ADGRG6: variants seen among roughly 807,000 people sequenced by gnomAD.
The protein encoded by ADGRG6 is G-protein coupled receptor 126.
ADGRG6 carries 84 observed loss-of-function variants against 142.4 expected under a neutral mutation model. The ratio of observed to expected loss-of-function variants is 0.59; its 90% CI spans 0.49 to 0.71. The LOEUF (loss-of-function observed/expected upper bound fraction) is 0.71. Among genes scored for constraint, ADGRG6 ranks in the 30% least tolerant of loss-of-function variants. ADGRG6 has a pLI of 0.00. For synonymous variants in ADGRG6, 521 were observed against 520.5 expected (o/e 1.00, Z -0.01); for missense variants, 1,367 against 1,466.6 (o/e 0.93, Z 1.11).
intron 2 of ADGRG6, among the ~76,000 whole-genome samples, chr6:142,317,810 TTATA>T (rs1426766208): frequency 1.1e-5 from 1 of 89,676 alleles, no homozygotes; most frequent in Non-Finnish European, 2.0e-5. Flanking sequence ...TTATATATAT[TTATA>T]TATATTAATT....
intron 15 of ADGRG6, among the ~76,000 whole-genome samples, 180 bp downstream of exon 15, chr6:142,406,008 TTAAC>T (rs1439045187): frequency 6.6e-6 from 1 of 152,054 alleles, no homozygotes; most frequent in Non-Finnish European, 1.5e-5. Context: ...AATATGCTAA[TTAAC>T]AAGTTGTATG....
At chr6:142,310,728 A>G (rs1330725578) in intron 2 of ADGRG6, among the ~76,000 whole-genome samples, 1 of 151,828 alleles carries the variant, frequency 6.6e-6, no homozygotes, top group African/African-American at 2.4e-5. Flanking sequence ...AACAGAACAG[A>G]TCTTTCAGTG....
chr6:142,316,064 A>T (rs183629130), intron 2 of ADGRG6, among the ~76,000 whole-genome samples: 1 of 152,202 alleles, frequency 6.6e-6, no homozygotes, highest in East Asian at 1.9e-4. Flanking sequence ...CGTTTGAATG[A>T]GATTTTTCTC....
chr6:142,384,660 G>A (rs1402559330), intron 6 of ADGRG6, among the ~76,000 whole-genome samples: 1 of 152,008 alleles, frequency 6.6e-6, no homozygotes, highest in Non-Finnish European at 1.5e-5. Context: ...CAAATATGAA[G>A]CATTAGAAAC....
intron 2 of ADGRG6, among the ~76,000 whole-genome samples, chr6:142,341,938 T>C (rs1779678850): frequency 6.6e-6 from 1 of 152,004 alleles, no homozygotes; most frequent in Admixed American, 6.6e-5. Flanking sequence ...CCAAACTGTT[T>C]TATTTTCTGA....
chr6:142,336,470 G>T (rs563440943), intron 2 of ADGRG6, among the ~76,000 whole-genome samples: 1 of 152,256 alleles, frequency 6.6e-6, no homozygotes, highest in East Asian at 1.9e-4. Context: ...GCTCTCTGGG[G>T]TTGTGTCTGG....
At position 142,414,966 on chromosome 6, in the gene ADGRG6, T is replaced by C. The variant is rs767129681; in HGVS notation, c.2542-3T>C. 2 of 1,609,266 alleles carry C rather than the reference T, an allele frequency of 1.2e-6. No individual in the cohort carries two copies. Among genetic ancestry groups the C allele is most frequent in the Non-Finnish European group, 1.7e-6 (2 of 1,177,710 alleles). ...TTACAGCTGCTCGCCATGTTTTATGTAGGACCTTCCAAGAAGTGCCTCACA... is the reference window on the plus strand; with the variant it reads ...TTACAGCTGCTCGCCATGTTTTATGCAGGACCTTCCAAGAAGTGCCTCACA... On this transcript the variant is annotated splice_polypyrimidine_tract_variant and splice_region_variant and intron_variant, in intron 18 of 24. Coordinates refer to ENST00000367609, the MANE Select transcript of ADGRG6 (RefSeq NM_198569.3).
chr6:142,400,147 C>G (rs994999756), intron 10 of ADGRG6, among the ~76,000 whole-genome samples: 1 of 152,032 alleles, frequency 6.6e-6, no homozygotes, highest in African/African-American at 2.4e-5. Flanking sequence ...GATTGTTTTC[C>G]TTCTCTGTAG....
intron 2 of ADGRG6, among the ~76,000 whole-genome samples, chr6:142,333,233 G>A (rs1779148436): frequency 6.6e-6 from 1 of 152,032 alleles, no homozygotes; most frequent in African/African-American, 2.4e-5. Flanking sequence ...ACTCCTCTAG[G>A]GGACAGAATG....
chr6:142,383,641 T>C, intron 5 of ADGRG6, 119 bp from the exon 6 acceptor site: 2 of 622,794 alleles, frequency 3.2e-6, no homozygotes, highest in Non-Finnish European at 5.7e-6. Flanking sequence ...GTCTTTTGTA[T>C]TTCAAAGTGG....
intron 22 of ADGRG6, among the ~76,000 whole-genome samples, chr6:142,426,458 C>T (rs1368016654): frequency 6.6e-6 from 1 of 152,194 alleles, no homozygotes; most frequent in African/African-American, 2.4e-5. Flanking sequence ...TTCCCATGGT[C>T]TTGGGCAGCT....
At chr6:142,331,847 G>T (rs866161032) in intron 2 of ADGRG6, among the ~76,000 whole-genome samples, 1 of 151,968 alleles carries the variant, frequency 6.6e-6, no homozygotes, top group Non-Finnish European at 1.5e-5. Flanking sequence ...GTGGAATTTG[G>T]CATGTTTTCA....
intron 2 of ADGRG6, among the ~76,000 whole-genome samples, chr6:142,318,180 T>TTATATATTA (rs1778283647): frequency 3.8e-4 from 2 of 5,278 alleles, no homozygotes; most frequent in African/African-American, 1.4e-3. Flanking sequence ...TATTTATATA[T>TTATATATTA]TATATATTAT....
At chr6:142,431,173 A>T (rs1176890717) in intron 22 of ADGRG6, among the ~76,000 whole-genome samples, 1 of 151,986 alleles carries the variant, frequency 6.6e-6, no homozygotes, top group South Asian at 2.1e-4. Flanking sequence ...TAAGGATGGG[A>T]TGAAAGTTTT....
intron 1 of ADGRG6, among the ~76,000 whole-genome samples, chr6:142,303,764 A>AG (rs984266263): frequency 6.6e-6 from 1 of 152,194 alleles, no homozygotes; most frequent in Non-Finnish European, 1.5e-5. Flanking sequence ...AGATCTTATG[A>AG]GAAAAAAAGC....
intron 6 of ADGRG6, among the ~76,000 whole-genome samples, chr6:142,387,334 T>C (rs1218660922): frequency 2.0e-5 from 3 of 152,226 alleles, no homozygotes; most frequent in African/African-American, 7.2e-5. Context: ...TCTCTATTAT[T>C]GTTCTAAAAA....
intron 2 of ADGRG6, 28 bp downstream of exon 2, chr6:142,309,672 A>G: frequency 7.3e-7 from 1 of 1,367,918 alleles, no homozygotes. Flanking sequence ...TCACACCTGG[A>G]ATTTAATCAT....
intron 3 of ADGRG6, among the ~76,000 whole-genome samples, chr6:142,368,845 A>C (rs1156979445): frequency 6.6e-6 from 1 of 152,210 alleles, no homozygotes; most frequent in East Asian, 1.9e-4. Flanking sequence ...CAAAAAAAGC[A>C]AATTAGAATT....
In ADGRG6 at chr6:142,392,928, T is replaced by G; in HGVS notation, c.1309-20T>G. The G allele has an allele frequency of 6.4e-7, 1 of 1,569,028 alleles. No individual in the cohort carries two copies. Among genetic ancestry groups the G allele is most frequent in the Non-Finnish European group, 8.8e-7 (1 of 1,141,616 alleles). On this transcript the variant is annotated intron_variant, in intron 7 of 24. Transcript: ENST00000367609. ...TTAAAGGTATTAGCAAAACTCAGCC[T>G]TTTCCATTGTGTTTTCCAGCTCAAT...
Sources: allele counts gnomAD v4.1 joint callset (sites outside exome capture counted in the v4.1 genomes callset), GRCh38; gene constraint gnomAD v4.1.1; transcripts MANE v1.5; gene names NCBI Gene and HGNC (gene_info 2026-07-23, HGNC 2026-07-21).